The following DYNC1I2 variants were observed in gnomAD, a reference collection of about 807,000 sequenced individuals.
DYNC1I2 encodes the protein cytoplasmic dynein 1 intermediate chain 2.
A neutral mutation model predicts 88.6 loss-of-function variants in DYNC1I2; 53 were observed. The ratio of observed to expected loss-of-function variants is 0.60; its 90% CI spans 0.48 to 0.75. DYNC1I2 has a LOEUF of 0.75. Ranked by LOEUF, DYNC1I2 falls within the 30% of genes least tolerant of loss-of-function variation. The pLI, the probability that DYNC1I2 is intolerant of heterozygous loss-of-function variation, is 0.00. For missense variants in DYNC1I2, 458 were observed against 766.6 expected (o/e 0.60, Z 4.75); for synonymous variants, 198 against 254.6 (o/e 0.78, Z 2.12).
chr2:171,697,535 G>C (rs528176922), intron 3 of DYNC1I2, among the ~76,000 whole-genome samples: 2 of 152,174 alleles, frequency 1.3e-5, no homozygotes, highest in East Asian at 1.9e-4. Flanking sequence ...CGAACTGTGT[G>C]TGGTGGTTCA....
chr2:171,697,484 A>G (rs530190347), intron 3 of DYNC1I2, among the ~76,000 whole-genome samples: 2 of 152,202 alleles, frequency 1.3e-5, no homozygotes, highest in South Asian at 4.1e-4. Flanking sequence ...TATTTCCTTT[A>G]AACTGGAAGT....
At chr2:171,714,222 TA>T (rs1687325564) in intron 6 of DYNC1I2, among the ~76,000 whole-genome samples, 1 of 150,270 alleles carries the variant, frequency 6.7e-6, no homozygotes, top group Non-Finnish European at 1.5e-5. Context: ...ATTTCTAAAC[TA>T]GAAAAGACAT....
intron 5 of DYNC1I2, among the ~76,000 whole-genome samples, chr2:171,709,966 C>G (rs1686983481): frequency 6.6e-6 from 1 of 152,164 alleles, no homozygotes; most frequent in Non-Finnish European, 1.5e-5. Context: ...ATCCACCCAC[C>G]TCAGCCTCCC....
intron 3 of DYNC1I2, among the ~76,000 whole-genome samples, chr2:171,704,332 C>CTT (rs564852352): frequency 1.4e-5 from 2 of 139,472 alleles, no homozygotes. Context: ...CATGGTTTAG[C>CTT]TTTTTTTTTT....
At chr2:171,696,495 T>C (rs1378811696) in intron 3 of DYNC1I2, among the ~76,000 whole-genome samples, 1 of 152,222 alleles carries the variant, frequency 6.6e-6, no homozygotes, top group Admixed American at 6.5e-5. Flanking sequence ...TTTTGGTCTT[T>C]TTTAAAAAGA....
intron 3 of DYNC1I2, among the ~76,000 whole-genome samples, chr2:171,704,541 C>G (rs577720783): frequency 1.3e-5 from 2 of 152,072 alleles, no homozygotes; most frequent in African/African-American, 2.4e-5. Flanking sequence ...AATCACTGTT[C>G]TTACTAAGCA....
chr2:171,726,242 C>A lies in DYNC1I2; in HGVS notation c.819C>A (p.Asp273Glu). The change falls in exon 10 of 18, where the codon GAC (aspartate) becomes GAA (glutamate). Residue 273 changes from aspartate to glutamate, a missense_variant. Asp to Glu is a conservative substitution (Grantham distance 45). Around this residue, in one of 5 missense-constraint regions of DYNC1I2, gnomAD observed 203 missense variants for 354.2 expected, o/e 0.57. Coordinates refer to ENST00000397119, the MANE Select transcript of DYNC1I2 (RefSeq NM_001378.3). ...AKLSLNRQFF[D>E]ERWSKHRVVS... The stretch of plus-strand genomic sequence containing the variant: ...TGTCATTAAATCGACAATTTTTTGA[C>A]GAACGTTGGTCAAAGCATCGGGTGG... The A allele has an allele frequency of 6.2e-7, 1 of 1,612,020 alleles. No homozygotes were observed. The highest frequency in any genetic ancestry group is 8.5e-7 in the Non-Finnish European group (1 of 1,179,290).
intron 15 of DYNC1I2, among the ~76,000 whole-genome samples, chr2:171,737,823 T>G (rs1393484620): frequency 6.6e-6 from 1 of 152,144 alleles, no homozygotes; most frequent in African/African-American, 2.4e-5. Flanking sequence ...TTTTTAACTT[T>G]TAGGTTCAGG....
At chr2:171,716,155 G>A (rs2105609369) in intron 7 of DYNC1I2, among the ~76,000 whole-genome samples, 1 of 152,096 alleles carries the variant, frequency 6.6e-6, no homozygotes, top group African/African-American at 2.4e-5. Flanking sequence ...ACTTCACAGT[G>A]TCTTTTCTGA....
At chr2:171,698,328 T>A (rs531965600) in intron 3 of DYNC1I2, among the ~76,000 whole-genome samples, 34 of 152,348 alleles carry the variant, frequency 2.2e-4, no homozygotes, top group African/African-American at 7.9e-4. Context: ...ACTTTTTTGC[T>A]TTAATTACTC....
At chr2:171,722,560 G>A (rs1470613997) in intron 7 of DYNC1I2, among the ~76,000 whole-genome samples, 1 of 152,090 alleles carries the variant, frequency 6.6e-6, no homozygotes, top group Non-Finnish European at 1.5e-5. Context: ...ATAAGGACTA[G>A]CTTAGAAAAT....
At chr2:171,688,836 T>C (rs1046558002) in intron 1 of DYNC1I2, among the ~76,000 whole-genome samples, 7 of 152,168 alleles carry the variant, frequency 4.6e-5, no homozygotes, top group African/African-American at 1.7e-4. Flanking sequence ...CCCTAACCTC[T>C]GGAAATACAG....
intron 14 of DYNC1I2, among the ~76,000 whole-genome samples, chr2:171,729,130 A>G (rs1688440478): frequency 6.6e-6 from 1 of 152,198 alleles, no homozygotes; most frequent in South Asian, 2.1e-4. Flanking sequence ...CAAATACAAT[A>G]TGCACATGCC....
At chr2:171,727,287 T>G (rs1688317144) in intron 11 of DYNC1I2, among the ~76,000 whole-genome samples, 1 of 152,164 alleles carries the variant, frequency 6.6e-6, no homozygotes, top group Non-Finnish European at 1.5e-5. Flanking sequence ...CTGAATTACT[T>G]ATACATGGCC....
At chr2:171,702,264 T>C (rs1461047019) in intron 3 of DYNC1I2, among the ~76,000 whole-genome samples, 3 of 152,254 alleles carry the variant, frequency 2.0e-5, no homozygotes, top group African/African-American at 7.2e-5. Flanking sequence ...GGTTCTTATT[T>C]CTAAATGATG....
chr2:171,722,431 C>A (rs1206432361), intron 7 of DYNC1I2, among the ~76,000 whole-genome samples: 1 of 152,104 alleles, frequency 6.6e-6, no homozygotes, highest in African/African-American at 2.4e-5. Flanking sequence ...GTGGAGTTAA[C>A]CACTTTAGCA....
At chr2:171,697,385 T>G (rs144277253) in intron 3 of DYNC1I2, among the ~76,000 whole-genome samples, 2 of 152,250 alleles carry the variant, frequency 1.3e-5, no homozygotes, top group East Asian at 3.9e-4. Flanking sequence ...GATATCTACT[T>G]GTTGAAGAGG....
In DYNC1I2 at chr2:171,747,874, C is replaced by T; in HGVS notation, c.1902C>T (p.Thr634=). The T allele has an allele frequency of 1.2e-6, 2 of 1,608,766 alleles. 1 individual carries two copies. The highest frequency in any genetic ancestry group is 3.3e-5 in the Admixed American group (2 of 59,886). Residue 634 remains threonine, a synonymous_variant, in exon 18 of 18, where the codon ACC becomes ACT. Transcript: ENST00000397119. ...CTGATGCAGAGGAGGAAGCAGCTACCCGAATACCTGCTTAGTTCCTGAAAA... is the reference window on the plus strand; with the variant it reads ...CTGATGCAGAGGAGGAAGCAGCTACTCGAATACCTGCTTAGTTCCTGAAAA... ...NRADAEEEAA[T]RIPA is the part of the protein sequence containing the mutation.
chr2:171,724,783 C>G (rs974177905), intron 7 of DYNC1I2, among the ~76,000 whole-genome samples: 3 of 152,054 alleles, frequency 2.0e-5, no homozygotes, highest in African/African-American at 7.2e-5. Context: ...TCATAAAAAC[C>G]CATCTCAGTG....
Sources: gnomAD v4.1 joint callset for allele counts (sites outside exome capture counted in the v4.1 genomes callset) on GRCh38, gnomAD v4.1.1 for gene constraint, gnomAD v4.1.1 regional missense constraint, MANE v1.5 for transcripts, NCBI Gene and HGNC (gene_info 2026-07-23, HGNC 2026-07-21) for gene names.